TBL1X: variants seen among roughly 807,000 people sequenced by gnomAD.
TBL1X encodes the protein transducin beta like 1 X-linked.
Under a neutral mutation model 50.7 loss-of-function variants are expected in TBL1X, and 10 were observed. The observed-to-expected ratio is 0.20, with a 90% CI of 0.12 to 0.33. The LOEUF (loss-of-function observed/expected upper bound fraction) is 0.33. Among genes scored for constraint, TBL1X ranks in the 10% least tolerant of loss-of-function variants. TBL1X has a pLI of 1.00. For missense variants in TBL1X, 340 were observed against 504.4 expected, an observed-to-expected ratio of 0.67 and a Z score of 3.12; for synonymous variants, 190 against 214.7, an observed-to-expected ratio of 0.88 and a Z score of 1.01.
intron 5 of TBL1X, among the ~76,000 whole-genome samples, chrX:9,678,748 C>T (rs1031044816): frequency 1.8e-5 from 2 of 112,359 alleles, no homozygotes; most frequent in African/African-American, 6.5e-5. Flanking sequence ...ATTAGCTGAG[C>T]ATAGTAGTAC....
intron 2 of TBL1X, among the ~76,000 whole-genome samples, chrX:9,583,580 G>A (rs151324546): frequency 0.016 from 1,772 of 111,831 alleles, 19 homozygotes; most frequent in Non-Finnish European, 0.024. Flanking sequence ...AAAAAGAAAT[G>A]CAAGTTTTTT....
At chrX:9,519,583 A>G (rs1418956762) in intron 2 of TBL1X, among the ~76,000 whole-genome samples, 1 of 112,356 alleles carries the variant, frequency 8.9e-6, no homozygotes. Flanking sequence ...TTTTTAATTT[A>G]GAGAGCACTG....
Position 9,561,311 on chromosome X carries a change from G to A in TBL1X, c.-131+59462G>A, listed in dbSNP as rs758714971. Reference sequence around the variant, plus strand: ...AGGAGTTCCGCAGCGTCTTTCAGTAGAGTGAAGCTCCAGTATTTGTATGAG... The same window carrying A: ...AGGAGTTCCGCAGCGTCTTTCAGTAAAGTGAAGCTCCAGTATTTGTATGAG... On this transcript the variant is annotated intron_variant, in intron 2 of 17. Coordinates refer to ENST00000645353, the MANE Select transcript of TBL1X (RefSeq NM_005647.4). Among the ~76,000 whole-genome samples, 3 of 111,908 alleles carry A rather than the reference G, an allele frequency of 2.7e-5. No homozygotes were observed. In the Admixed American group the frequency reaches 2.8e-4, roughly 11 times the overall value.
chrX:9,704,101 G>A (rs1166206552), intron 12 of TBL1X, among the ~76,000 whole-genome samples: 1 of 112,111 alleles, frequency 8.9e-6, no homozygotes, highest in African/African-American at 3.2e-5. Context: ...CCGTTGTTCT[G>A]TCTTTGTGAC....
At chrX:9,646,712 C>G (rs984204726) in intron 3 of TBL1X, among the ~76,000 whole-genome samples, 7 of 112,215 alleles carry the variant, frequency 6.2e-5, no homozygotes, top group African/African-American at 1.9e-4. Context: ...TAATAGCAGC[C>G]TAACTAATGA....
At chrX:9,555,847 G>C (rs145148902) in intron 2 of TBL1X, among the ~76,000 whole-genome samples, 705 of 111,659 alleles carry the variant, frequency 6.3e-3, no homozygotes, top group Non-Finnish European at 0.01. Context: ...TATCTATGCA[G>C]TGTAACCGGC....
intron 5 of TBL1X, among the ~76,000 whole-genome samples, chrX:9,671,097 C>T (rs184495951): frequency 1.6e-3 from 180 of 111,806 alleles, no homozygotes; most frequent in Non-Finnish European, 2.9e-3. Flanking sequence ...TATGTTGGGA[C>T]CCCCCAAGAC....
chrX:9,572,948 G>A (rs1467865891), intron 2 of TBL1X, among the ~76,000 whole-genome samples: 2 of 112,514 alleles, frequency 1.8e-5, no homozygotes, highest in Admixed American at 9.4e-5. Context: ...TACAAAATCT[G>A]TATTACCTGT....
At chrX:9,511,729 G>A (rs1014386013) in intron 2 of TBL1X, among the ~76,000 whole-genome samples, 18 of 112,528 alleles carry the variant, frequency 1.6e-4, no homozygotes, top group Non-Finnish European at 1.9e-4. Context: ...TGGAAATGAC[G>A]TTGGCAATTA....
At chrX:9,472,387 G>GT (rs1260521621) in intron 1 of TBL1X, among the ~76,000 whole-genome samples, 1 of 108,164 alleles carries the variant, frequency 9.2e-6, no homozygotes, top group Non-Finnish European at 1.9e-5. Context: ...AGCCTCCCAA[G>GT]TAGCTGGGCC....
chrX:9,635,954 C>T (rs952624047), intron 2 of TBL1X, among the ~76,000 whole-genome samples: 5 of 112,416 alleles, frequency 4.4e-5, no homozygotes, highest in Admixed American at 9.4e-5. Flanking sequence ...GGTTCAGCCA[C>T]GCAGTAGCAT....
chrX:9,664,502 A>G (rs2082915843), intron 5 of TBL1X, among the ~76,000 whole-genome samples: 1 of 110,883 alleles, frequency 9.0e-6, no homozygotes, highest in Admixed American at 9.5e-5. Flanking sequence ...CATTTGTCAT[A>G]CGGACATTGC....
chrX:9,602,769 G>T (rs1425310685), intron 2 of TBL1X, among the ~76,000 whole-genome samples: 1 of 112,196 alleles, frequency 8.9e-6, no homozygotes, highest in Non-Finnish European at 1.9e-5. Flanking sequence ...TGAGATATGT[G>T]CTATTTAATA....
chrX:9,506,638 A>G (rs978004903), intron 2 of TBL1X, among the ~76,000 whole-genome samples: 4 of 112,259 alleles, frequency 3.6e-5, no homozygotes, highest in African/African-American at 1.3e-4. Context: ...ACAAACTACT[A>G]TCAGAGAATA....
At position 9,716,238 on chromosome X, in the gene TBL1X, C is replaced by T. The variant is rs746301021; in HGVS notation, c.1726C>T (p.Arg576Trp). ...CTTCCAGGTGTGTGTTTTGGATCTG[C>T]GGAAGTAACCACAAAATATTATCGA... ...SDGSVCVLDL[R>W]K Residue 576 changes from arginine (R) to tryptophan (W), a missense_variant, in exon 18 of 18, where the codon CGG becomes TGG. Physicochemically the swap from Arg to Trp is moderately radical, Grantham distance 101. Coordinates refer to ENST00000645353, the MANE Select transcript of TBL1X (RefSeq NM_005647.4). 1.1e-5 allele frequency: 13 copies of T among 1,207,572 alleles called. No homozygotes were observed. The highest frequency in any genetic ancestry group is 1.8e-5 in the South Asian group (1 of 56,534).
chrX:9,693,840 G>A (rs779099198), intron 11 of TBL1X, among the ~76,000 whole-genome samples: 4 of 110,823 alleles, frequency 3.6e-5, no homozygotes, highest in Admixed American at 1.9e-4. Flanking sequence ...GCTTCCCACC[G>A]TAGACCGCAG....
chrX:9,612,200 G>A (rs1236976315), intron 2 of TBL1X, among the ~76,000 whole-genome samples: 1 of 112,175 alleles, frequency 8.9e-6, no homozygotes, highest in African/African-American at 3.2e-5. Flanking sequence ...GTCGGGGAGG[G>A]GGGAAGAAAA....
At chrX:9,670,286 C>G (rs2082953144) in intron 5 of TBL1X, among the ~76,000 whole-genome samples, 1 of 110,798 alleles carries the variant, frequency 9.0e-6, no homozygotes, top group Non-Finnish European at 1.9e-5. Context: ...CTGTGGCCCC[C>G]CCTACTGAGG....
At chrX:9,587,623 G>A (rs745313062) in intron 2 of TBL1X, among the ~76,000 whole-genome samples, 1 of 111,597 alleles carries the variant, frequency 9.0e-6, no homozygotes, top group South Asian at 3.8e-4. Context: ...AATTATCTGT[G>A]TGTATTTTAA....
Sources: gnomAD v4.1 joint callset for allele counts (sites outside exome capture counted in the v4.1 genomes callset) on GRCh38, gnomAD v4.1.1 for gene constraint, MANE v1.5 for transcripts, NCBI Gene and HGNC (gene_info 2026-07-23, HGNC 2026-07-21) for gene names.